The following ANKRD16 variants were observed in gnomAD, a reference collection of about 807,000 sequenced individuals.
The protein encoded by ANKRD16 is ankyrin repeat domain-containing protein 16.
In ANKRD16, 35 loss-of-function variants were observed where a neutral mutation model predicts 37.9. That is an observed-to-expected ratio of 0.92 (90% CI 0.71 to 1.23). ANKRD16 has a LOEUF of 1.23. Ranked by LOEUF, ANKRD16 falls within the 50% of genes most tolerant of loss-of-function variation. The probability of loss-of-function intolerance (pLI) is 0.00; values close to 1 mark genes in which losing one functional copy is unlikely to be tolerated. For synonymous variants in ANKRD16, 206 were observed against 197.2 expected (o/e 1.04, Z -0.37); for missense variants, 480 against 469.9 (o/e 1.02, Z -0.20).
rs1050223903 is a variant in ANKRD16, at chr10:5,868,805, C to A, written c.*34-6114G>T. Reference sequence around the variant, plus strand: ...TTCATTCCTTAAGTCAGCAAGACCACGAACCCACCAGGAGGAACAAACAAC... The same window carrying A: ...TTCATTCCTTAAGTCAGCAAGACCAAGAACCCACCAGGAGGAACAAACAAC... On this transcript the variant is annotated intron_variant, in intron 7 of 7. Coordinates refer to ENST00000380094, the MANE Select transcript of ANKRD16 (RefSeq NM_019046.3). The surrounding 1 kb of genome is among the most constrained non-coding windows in gnomAD (Gnocchi z 4.9). 6.6e-6 allele frequency among the ~76,000 whole-genome samples: 1 copy of A among 152,162 alleles called. No individual in the cohort carries two copies. Among genetic ancestry groups the A allele is most frequent in the Admixed American group, 6.5e-5 (1 of 15,282 alleles).
At position 5,878,331 on chromosome 10, in the gene ANKRD16, G is replaced by A; in HGVS notation, c.929-44C>T. On this transcript the variant is annotated intron_variant, in intron 6 of 7. Coordinates refer to ENST00000380094, the MANE Select transcript of ANKRD16 (RefSeq NM_019046.3). The surrounding 1 kb of genome is among the most constrained non-coding windows in gnomAD (Gnocchi z 5.1). Reference sequence around the variant, plus strand: ...CACATGGACTTAAAACACAATCCCTGGAGCAATACTGACCTCATGAGTTGA... The same window carrying A: ...CACATGGACTTAAAACACAATCCCTAGAGCAATACTGACCTCATGAGTTGA... 6.4e-7 allele frequency: 1 copy of A among 1,570,024 alleles called. No homozygotes were observed. Among genetic ancestry groups the A allele is most frequent in the African/African-American group, 1.4e-5 (1 of 73,948 alleles).
chr10:5,878,308 C>T lies in ANKRD16; in HGVS notation c.929-21G>A, dbSNP rs1842218234. ...CAGGGCTGAGGGGTGACAAAAATCA[C>T]ATGGACTTAAAACACAATCCCTGGA... On this transcript the variant is annotated intron_variant, in intron 6 of 7. Coordinates refer to ENST00000380094, the MANE Select transcript of ANKRD16 (RefSeq NM_019046.3). The surrounding 1 kb of genome is among the most constrained non-coding windows in gnomAD (Gnocchi z 5.1). The T allele has an allele frequency of 6.2e-7, 1 of 1,607,544 alleles. No homozygotes were observed. The highest frequency in any genetic ancestry group is 8.5e-7 in the Non-Finnish European group (1 of 1,177,020).
intron 5 of ANKRD16, among the ~76,000 whole-genome samples, chr10:5,880,837 G>C (rs1258650535): frequency 2.6e-5 from 4 of 152,212 alleles, no homozygotes; most frequent in African/African-American, 9.7e-5. Context: ...TTGGCAGAGT[G>C]AGTTGGGGGT....
chr10:5,876,082 C>A (rs1564415892), intron 7 of ANKRD16, among the ~76,000 whole-genome samples: 1 of 152,148 alleles, frequency 6.6e-6, no homozygotes, highest in Non-Finnish European at 1.5e-5. Flanking sequence ...CTGGGTTTCA[C>A]CATGTTGGCC....
At position 5,889,627 on chromosome 10, in the gene ANKRD16, T is replaced by G. The variant is rs1044812321; in HGVS notation, c.-273A>C. On this transcript the variant is annotated 5_prime_UTR_variant, in exon 1 of 8. Coordinates refer to ENST00000380094, the MANE Select transcript of ANKRD16 (RefSeq NM_019046.3). Reference sequence around the variant, plus strand: ...CCGCGGTTCCGGGCACGGGGCGGTTTTTCCTCAGGGACGGAGCGGTCCGGG... The same window carrying G: ...CCGCGGTTCCGGGCACGGGGCGGTTGTTCCTCAGGGACGGAGCGGTCCGGG... 4.9e-6 allele frequency: 1 copy of G among 205,490 alleles called. No individual in the cohort carries two copies. Among genetic ancestry groups the G allele is most frequent in the Non-Finnish European group, 9.6e-6 (1 of 103,852 alleles). 12.7% of individuals were successfully genotyped at this position (205,490 alleles called of 1,614,324 possible).
intron 7 of ANKRD16, among the ~76,000 whole-genome samples, chr10:5,875,563 A>G (rs886652229): frequency 1.3e-5 from 2 of 152,238 alleles, no homozygotes; most frequent in Non-Finnish European, 2.9e-5. Context: ...TTGTAGGTAA[A>G]GACCCAAAGG....
rs780235597 is a variant in ANKRD16, at chr10:5,889,120, C to T, written c.235G>A (p.Ala79Thr). The change falls in exon 1 of 8, where the codon GCC (alanine) becomes ACC (threonine). Residue 79 changes from alanine (A) to threonine (T), a missense_variant. Transcript: ENST00000380094. Reference sequence around the variant, plus strand: ...ACGCAGTCTCGGTGGCCCATGGAGGCCGCCTCGTGCAGAGGCCGCTTGTAG... The same window carrying T: ...ACGCAGTCTCGGTGGCCCATGGAGGTCGCCTCGTGCAGAGGCCGCTTGTAG... Reference protein sequence around the residue: ...RDYKRPLHEAASMGHRDCVRY... With the variant: ...RDYKRPLHEATSMGHRDCVRY... 1.3e-6 allele frequency: 2 copies of T among 1,595,974 alleles called. No homozygotes were observed. Among genetic ancestry groups the T allele is most frequent in the Non-Finnish European group, 1.7e-6 (2 of 1,177,956 alleles).
chr10:5,881,689 A>AT (rs71388495), intron 5 of ANKRD16, among the ~76,000 whole-genome samples: 95 of 113,202 alleles, frequency 8.4e-4, no homozygotes, highest in African/African-American at 2.0e-3. Flanking sequence ...GATGGTCTTG[A>AT]TTTTTTTTTT....
intron 3 of ANKRD16, among the ~76,000 whole-genome samples, chr10:5,885,127 C>T (rs888847546): frequency 7.9e-5 from 12 of 152,180 alleles, no homozygotes; most frequent in African/African-American, 2.9e-4. Flanking sequence ...GTAGAAACTA[C>T]ATGTGTCTTC....
chr10:5,881,443 T>A (rs589467), intron 5 of ANKRD16, among the ~76,000 whole-genome samples: 1,607 of 6,068 alleles, frequency 0.26, 75 homozygotes, highest in East Asian at 0.4. Context: ...ATTATTTATA[T>A]ATATATATAT....
At chr10:5,888,965 G>A in intron 1 of ANKRD16, 76 bp downstream of exon 1, 1 of 1,400,466 alleles carries the variant, frequency 7.1e-7, no homozygotes, top group Non-Finnish European at 9.3e-7. Flanking sequence ...TGTCCAAGGG[G>A]ACGGAGAAGC....
At chr10:5,881,438 T>TTATATATATATATATATATATATA (rs869185709) in intron 5 of ANKRD16, among the ~76,000 whole-genome samples, 1 of 51,012 alleles carries the variant, frequency 2.0e-5, no homozygotes, top group Non-Finnish European at 3.8e-5. Flanking sequence ...AAAATATTAT[T>TTATATATATATATATATATATATA]TATATATATA....
rs566300390 is a variant in ANKRD16 at position 5,866,840 on chromosome 10, G to A, written c.*34-4149C>T. ...GAGTCAAAGAGGGAGACAGAGAGAG[G>A]AAGAGACAGAGAGGCTGAAAGTCAA... On this transcript the variant is annotated intron_variant, in intron 7 of 7. Coordinates refer to ENST00000380094, the MANE Select transcript of ANKRD16 (RefSeq NM_019046.3). This position sits in a 1 kb window ranked among gnomAD's most constrained non-coding sequence, Gnocchi z 4.3. Among the ~76,000 whole-genome samples, 8 of 152,054 alleles carry A rather than the reference G, an allele frequency of 5.3e-5. No individual in the cohort carries two copies. In the East Asian group the frequency reaches 1.5e-3, roughly 29 times the overall value.
intron 1 of ANKRD16, 29 bp from the exon 2 acceptor site, chr10:5,888,096 T>C: frequency 6.3e-7 from 1 of 1,599,226 alleles, no homozygotes; most frequent in Non-Finnish European, 8.6e-7. Flanking sequence ...AGCTGTCAGA[T>C]GGAGGCAGCT....
At chr10:5,888,759 T>C (rs1474289654) in intron 1 of ANKRD16, among the ~76,000 whole-genome samples, 2 of 152,214 alleles carry the variant, frequency 1.3e-5, no homozygotes, top group African/African-American at 4.8e-5. Flanking sequence ...ACTTCATTGT[T>C]TGGTAACATT....
chr10:5,885,251 G>C (rs1842399995), intron 3 of ANKRD16, among the ~76,000 whole-genome samples: 1 of 152,048 alleles, frequency 6.6e-6, no homozygotes. Flanking sequence ...CGCGATCTCG[G>C]CTCACTGCAA....
chr10:5,864,902 CCT>C lies in ANKRD16; in HGVS notation c.*34-2213_*34-2212del, dbSNP rs1305651931. Among the ~76,000 whole-genome samples the C allele has an allele frequency of 5.3e-5, 8 of 152,182 alleles. No individual in the cohort carries two copies. The East Asian group carries it at 5.8e-4, about 11-fold the overall frequency. On this transcript the variant is annotated intron_variant, in intron 7 of 7. Transcript: ENST00000380094. The surrounding 1 kb of genome is among the most constrained non-coding windows in gnomAD (Gnocchi z 4.4). The stretch of plus-strand genomic sequence containing the variant: ...GGGAGGCCTTAAGAAAATATACTCC[CCT>C]GTCGCCCGACTCACTCGAGGGTCAA...
At chr10:5,872,559 T>C (rs1409211901) in intron 7 of ANKRD16, among the ~76,000 whole-genome samples, 1 of 152,140 alleles carries the variant, frequency 6.6e-6, no homozygotes, top group Non-Finnish European at 1.5e-5. Context: ...TTATTTTTTA[T>C]GTAGGTATTT....
At chr10:5,881,453 T>A (rs756573305) in intron 5 of ANKRD16, among the ~76,000 whole-genome samples, 38,131 of 102,710 alleles carry the variant, frequency 0.37, 7,369 homozygotes, top group Non-Finnish European at 0.41. Context: ...TATATATATA[T>A]ATATATATAT....
Sources: gnomAD v4.1 joint callset for allele counts (sites outside exome capture counted in the v4.1 genomes callset) on GRCh38, gnomAD v4.1.1 for gene constraint, Gnocchi (gnomAD v3.1) non-coding constraint, MANE v1.5 for transcripts, NCBI Gene and HGNC (gene_info 2026-07-23, HGNC 2026-07-21) for gene names.